PLCZ1: variants seen among roughly 807,000 people sequenced by gnomAD.
The protein encoded by PLCZ1 is 1-phosphatidylinositol 4,5-bisphosphate phosphodiesterase zeta-1.
In PLCZ1, 64 loss-of-function variants were observed where a neutral mutation model predicts 76.8. That is an observed-to-expected ratio of 0.83 (90% CI 0.68 to 1.03). The LOEUF is 1.03. PLCZ1 is among the 50% of genes least tolerant of loss of function. The pLI is 0.00. For missense variants in PLCZ1, 751 were observed against 713.7 expected, an observed-to-expected ratio of 1.05 and a Z score of -0.60; for synonymous variants, 248 against 230.8, an observed-to-expected ratio of 1.07 and a Z score of -0.68.
the PLCZ1 span, among the ~76,000 whole-genome samples, chr12:18,660,759 C>A: frequency 1.3e-5 from 2 of 152,016 alleles, no homozygotes; most frequent in African/African-American, 2.4e-5. Context: ...AACAAAAAAA[C>A]CACAAGGCAT....
chr12:18,671,826 T>C, the PLCZ1 span, among the ~76,000 whole-genome samples: 4 of 152,164 alleles, frequency 2.6e-5, no homozygotes, highest in Non-Finnish European at 5.9e-5. Context: ...AATTGATTTC[T>C]CACAGTTTTG....
chr12:18,687,952 T>C, intron 13 of PLCZ1, 137 bp downstream of exon 13: 1 of 1,122,734 alleles, frequency 8.9e-7, no homozygotes, highest in Non-Finnish European at 1.3e-6. Context: ...CATATAACAT[T>C]TTGCTAATTT....
At chr12:18,664,843 T>C in the PLCZ1 span, among the ~76,000 whole-genome samples, 2 of 151,670 alleles carry the variant, frequency 1.3e-5, no homozygotes, top group East Asian at 3.9e-4. Flanking sequence ...AATGATGAGT[T>C]CATGTCCTTT....
intron 3 of PLCZ1, among the ~76,000 whole-genome samples, chr12:18,727,532 T>C (rs1466803000): frequency 6.6e-6 from 1 of 152,136 alleles, no homozygotes; most frequent in Non-Finnish European, 1.5e-5. Context: ...GGGCTAATTC[T>C]ATTTGTTAAG....
intron 7 of PLCZ1, 30 bp from the exon 8 acceptor site, chr12:18,701,806 C>A (rs372018440): frequency 6.4e-7 from 1 of 1,574,150 alleles, no homozygotes; most frequent in Non-Finnish European, 8.6e-7. Flanking sequence ...GATACAATTA[C>A]ACATTTACAA....
chr12:18,664,951 G>C, the PLCZ1 span, among the ~76,000 whole-genome samples: 1 of 138,202 alleles, frequency 7.2e-6, no homozygotes, highest in Non-Finnish European at 1.5e-5. Flanking sequence ...GGTGGGAATT[G>C]AACAATGAGG....
chr12:18,681,629 T>C (rs1952426522), downstream of PLCZ1, among the ~76,000 whole-genome samples: 1 of 152,044 alleles, frequency 6.6e-6, no homozygotes, highest in African/African-American at 2.4e-5. Flanking sequence ...CCAAAAATGT[T>C]TCAAGACATC....
At chr12:18,668,430 T>C in the PLCZ1 span, among the ~76,000 whole-genome samples, 1 of 152,154 alleles carries the variant, frequency 6.6e-6, no homozygotes, top group Non-Finnish European at 1.5e-5. Context: ...AGAAATCAAA[T>C]GGAACCCAAC....
chr12:18,705,483 C>T (rs553564717), intron 6 of PLCZ1, among the ~76,000 whole-genome samples, 168 bp from the exon 7 acceptor site: 301 of 152,170 alleles, frequency 2.0e-3, no homozygotes, highest in African/African-American at 6.8e-3. Flanking sequence ...AAAACAGAGA[C>T]CATTAAATCT....
chr12:18,663,211 G>C, the PLCZ1 span, among the ~76,000 whole-genome samples: 8 of 151,996 alleles, frequency 5.3e-5, no homozygotes, highest in South Asian at 2.1e-4. Flanking sequence ...CATAGTACTG[G>C]ATACTCTATC....
chr12:18,732,927 C>T (rs1959134876), intron 3 of PLCZ1, among the ~76,000 whole-genome samples: 1 of 152,158 alleles, frequency 6.6e-6, no homozygotes, highest in Admixed American at 6.5e-5. Flanking sequence ...GCAATATATA[C>T]AGGAGTACAA....
chr12:18,693,156 G>C, intron 12 of PLCZ1: 2 of 1,536,806 alleles, frequency 1.3e-6, no homozygotes, highest in Non-Finnish European at 1.8e-6. Context: ...GTCTACATCT[G>C]TGGGCTCAGA....
the PLCZ1 span, among the ~76,000 whole-genome samples, chr12:18,662,104 A>G: frequency 4.6e-5 from 7 of 152,138 alleles, no homozygotes; most frequent in African/African-American, 1.7e-4. Flanking sequence ...AAATGAGAAC[A>G]ATAGACACTG....
At chr12:18,713,689 G>A (rs1032718295) in intron 5 of PLCZ1, 11 of 152,156 alleles carry the variant, frequency 7.2e-5, no homozygotes, top group Non-Finnish European at 1.3e-4. Flanking sequence ...GCTCATCTCT[G>A]TCTATTCGAC....
chr12:18,675,177 G>T, the PLCZ1 span, among the ~76,000 whole-genome samples: 15 of 152,254 alleles, frequency 9.9e-5, no homozygotes, highest in East Asian at 3.9e-4. Flanking sequence ...AAATTGGACA[G>T]AGCTGGTCTA....
At chr12:18,659,962 A>G in the PLCZ1 span, among the ~76,000 whole-genome samples, 3 of 152,194 alleles carry the variant, frequency 2.0e-5, no homozygotes, top group Admixed American at 2.0e-4. Context: ...GAAATAAAGA[A>G]CACTGCTAAA....
chr12:18,689,127 T>C (rs1339055640), intron 12 of PLCZ1, among the ~76,000 whole-genome samples: 1 of 152,078 alleles, frequency 6.6e-6, no homozygotes, highest in Admixed American at 6.6e-5. Flanking sequence ...ATCAGCATAA[T>C]TAGACATCAA....
chr12:18,660,228 C>T, the PLCZ1 span, among the ~76,000 whole-genome samples: 15 of 152,232 alleles, frequency 9.9e-5, no homozygotes, highest in East Asian at 2.7e-3. Context: ...CATTCTCCTG[C>T]GTATTTCTGG....
Position 18,712,864 on chromosome 12 carries a change from G to T in PLCZ1, c.692C>A (p.Ala231Asp), listed in dbSNP as rs2137429361. The T allele has an allele frequency of 6.2e-7, 1 of 1,613,806 alleles. No individual in the cohort carries two copies. Among genetic ancestry groups the T allele is most frequent in the East Asian group, 2.2e-5 (1 of 44,850 alleles). The change falls in exon 6 of 15, where the codon GCT becomes GAT. Residue 231 changes from alanine to aspartate, a missense_variant. Transcript: ENST00000266505. ...TACCATGAATGCATACTTGTGTATAGCTTGGATAACAGTTTTAAACAGAAG... is the reference window on the plus strand; with the variant it reads ...TACCATGAATGCATACTTGTGTATATCTTGGATAACAGTTTTAAACAGAAG... ...SKLLFKTVIQAIHKYAFMTSD... is the reference protein window; with the variant it reads ...SKLLFKTVIQDIHKYAFMTSD...
Sources: gnomAD v4.1 joint callset for allele counts (sites outside exome capture counted in the v4.1 genomes callset) on GRCh38, gnomAD v4.1.1 for gene constraint, MANE v1.5 for transcripts, NCBI Gene and HGNC (gene_info 2026-07-23, HGNC 2026-07-21) for gene names.